The following FKBP5 variants were observed in gnomAD, a reference collection of about 807,000 sequenced individuals.
FKBP5 encodes peptidyl-prolyl cis-trans isomerase FKBP5.
FKBP5 carries 23 observed loss-of-function variants against 50.5 expected under a neutral mutation model. The observed-to-expected ratio is 0.46, with a 90% CI of 0.33 to 0.65. The LOEUF (loss-of-function observed/expected upper bound fraction) is 0.65. FKBP5 is among the 30% of genes least tolerant of loss of function. FKBP5 has a pLI of 0.02. For synonymous variants in FKBP5, 176 were observed against 190.6 expected, an observed-to-expected ratio of 0.92 and a Z score of 0.63; for missense variants, 411 against 553.1, an observed-to-expected ratio of 0.74 and a Z score of 2.58.
intron 1 of FKBP5, among the ~76,000 whole-genome samples, chr6:35,685,697 C>T (rs1765802155): frequency 6.6e-6 from 1 of 152,054 alleles, no homozygotes; most frequent in Non-Finnish European, 1.5e-5. Flanking sequence ...TAAAGCAATA[C>T]TAGGCTAGGC....
chr6:35,714,266 A>G, intron 2 of FKBP5, among the ~76,000 whole-genome samples: 1 of 143,670 alleles, frequency 7.0e-6, no homozygotes, highest in South Asian at 2.2e-4. Flanking sequence ...AGCCTGGCCA[A>G]CATGGTGAAA....
At chr6:35,680,760 T>C (rs1209515512) in intron 1 of FKBP5, among the ~76,000 whole-genome samples, 1 of 152,238 alleles carries the variant, frequency 6.6e-6, no homozygotes, top group Non-Finnish European at 1.5e-5. Flanking sequence ...TCCTCTTCTT[T>C]GGCTAAGTTC....
At chr6:35,577,919 T>C (rs1762272888) in intron 9 of FKBP5, among the ~76,000 whole-genome samples, 1 of 152,010 alleles carries the variant, frequency 6.6e-6, no homozygotes, top group South Asian at 2.1e-4. Flanking sequence ...CTGGGCATGG[T>C]GGCAGGCGCC....
intron 2 of FKBP5, among the ~76,000 whole-genome samples, chr6:35,712,767 G>C (rs1766436817): frequency 6.6e-6 from 1 of 152,200 alleles, no homozygotes; most frequent in Non-Finnish European, 1.5e-5. Flanking sequence ...CCAGTGCCTT[G>C]TCTTCTGAGA....
At chr6:35,646,644 G>C (rs575547503) in intron 1 of FKBP5, among the ~76,000 whole-genome samples, 1 of 152,238 alleles carries the variant, frequency 6.6e-6, no homozygotes, top group South Asian at 2.1e-4. Context: ...TTATAAGAGA[G>C]ACTTTTCTTC....
intron 5 of FKBP5, among the ~76,000 whole-genome samples, chr6:35,615,309 G>A (rs79969232): frequency 0.012 from 1,822 of 152,180 alleles, 41 homozygotes; most frequent in East Asian, 0.05. Context: ...AGCAAACCTA[G>A]CACTCAGATC....
upstream of FKBP5, among the ~76,000 whole-genome samples, chr6:35,692,719 C>T (rs1020099687): frequency 6.9e-5 from 10 of 144,610 alleles, no homozygotes; most frequent in African/African-American, 5.1e-5. Context: ...TGAACCCAGA[C>T]GGTGGAAGTT....
intron 1 of FKBP5, among the ~76,000 whole-genome samples, chr6:35,668,638 T>C (rs1458218931): frequency 6.6e-6 from 1 of 152,076 alleles, no homozygotes; most frequent in Non-Finnish European, 1.5e-5. Flanking sequence ...TTCTTTTTTT[T>C]GTATTATTAT....
intron 3 of FKBP5, among the ~76,000 whole-genome samples, chr6:35,623,752 CT>C (rs781042802): frequency 3.0e-3 from 428 of 141,846 alleles, no homozygotes; most frequent in Admixed American, 3.1e-3. Flanking sequence ...TTTTCTTCTT[CT>C]TTTTTTTTTT....
chr6:35,708,756 TTTTGTTTG>T (rs932692689), intron 2 of FKBP5, among the ~76,000 whole-genome samples: 2 of 151,954 alleles, frequency 1.3e-5, no homozygotes, highest in Non-Finnish European at 2.9e-5. Flanking sequence ...TTGTTAATGT[TTTTGTTTG>T]TTTGTTTGTT....
chr6:35,608,339 C>G (rs999659057), intron 5 of FKBP5, among the ~76,000 whole-genome samples: 2 of 152,158 alleles, frequency 1.3e-5, no homozygotes, highest in East Asian at 3.8e-4. Context: ...ACCAAACTGG[C>G]ACATGTCCCC....
intron 2 of FKBP5, among the ~76,000 whole-genome samples, chr6:35,695,678 T>G (rs1427917774): frequency 6.6e-6 from 1 of 152,102 alleles, no homozygotes; most frequent in African/African-American, 2.4e-5. Context: ...ACAAGATAAA[T>G]AACAAAAATC....
chr6:35,666,175 C>T (rs1259690145), intron 1 of FKBP5, among the ~76,000 whole-genome samples: 1 of 151,628 alleles, frequency 6.6e-6, no homozygotes, highest in East Asian at 1.9e-4. Flanking sequence ...CCTTCTAATC[C>T]ACAAAATTAA....
In FKBP5 at chr6:35,590,431, C is replaced by CAA. The variant is rs541886574; in HGVS notation, c.756+697_756+698dup. On this transcript the variant is annotated intron_variant, in intron 7 of 10. Transcript: ENST00000357266. ...AATGCCAGGGGCACGTGGCCGAAGA[C>CAA]AACAGCATACCTAGCTCAGGTATAT... Among the ~76,000 whole-genome samples the CAA allele has an allele frequency of 9.7e-4, 147 of 152,244 alleles. 1 individual carries two copies. The highest frequency in any genetic ancestry group is 3.4e-3 in the African/African-American group (142 of 41,538).
At chr6:35,714,814 CAA>C (rs113161701) in intron 2 of FKBP5, among the ~76,000 whole-genome samples, 2 of 138,876 alleles carry the variant, frequency 1.4e-5, no homozygotes, top group Admixed American at 7.2e-5. Context: ...AACTCTGTCT[CAA>C]AAAAAAAAAA....
intron 3 of FKBP5, among the ~76,000 whole-genome samples, chr6:35,630,411 G>C (rs1433892520): frequency 6.6e-6 from 1 of 152,000 alleles, no homozygotes; most frequent in Non-Finnish European, 1.5e-5. Flanking sequence ...GCCAGGCATG[G>C]TGGTGCATGC....
intron 2 of FKBP5, among the ~76,000 whole-genome samples, chr6:35,717,327 C>T (rs935385815): frequency 6.6e-6 from 1 of 152,180 alleles, no homozygotes; most frequent in African/African-American, 2.4e-5. Context: ...CATGAGAGAG[C>T]GTGTGAGAGT....
At chr6:35,615,265 A>G (rs1447592553) in intron 5 of FKBP5, among the ~76,000 whole-genome samples, 1 of 152,002 alleles carries the variant, frequency 6.6e-6, no homozygotes, top group East Asian at 1.9e-4. Context: ...CTGTCTGCTA[A>G]GTGGGTCTAG....
At chr6:35,616,523 G>GA (rs1429683672) in intron 5 of FKBP5, among the ~76,000 whole-genome samples, 1 of 151,930 alleles carries the variant, frequency 6.6e-6, no homozygotes, top group Admixed American at 6.6e-5. Context: ...GCTGTGTAAA[G>GA]CATATAAGGG....
Sources: allele counts gnomAD v4.1 joint callset (sites outside exome capture counted in the v4.1 genomes callset), GRCh38; gene constraint gnomAD v4.1.1; transcripts MANE v1.5; gene names NCBI Gene and HGNC (gene_info 2026-07-23, HGNC 2026-07-21).